The following ZFAND6 variants were observed in gnomAD, a reference collection of about 807,000 sequenced individuals.
ZFAND6 encodes zinc finger AN1-type containing 6.
ZFAND6 carries 12 observed loss-of-function variants against 24.5 expected under a neutral mutation model. The observed-to-expected ratio is 0.49, with a 90% CI of 0.31 to 0.79. ZFAND6 has a LOEUF of 0.79. Ranked by LOEUF, ZFAND6 falls within the 30% of genes least tolerant of loss-of-function variation. ZFAND6 has a pLI of 0.04. For missense variants in ZFAND6, 207 were observed against 245.9 expected, an observed-to-expected ratio of 0.84 and a Z score of 1.06; for synonymous variants, 92 against 81.5, an observed-to-expected ratio of 1.13 and a Z score of -0.69.
chr15:80,086,957 C>T (rs2038042550), intron 1 of ZFAND6, among the ~76,000 whole-genome samples: 1 of 152,180 alleles, frequency 6.6e-6, no homozygotes, highest in South Asian at 2.1e-4. Context: ...AGCATAATGT[C>T]TTCAGGGTTC....
intron 5 of ZFAND6, among the ~76,000 whole-genome samples, chr15:80,128,172 G>C (rs1283233189): frequency 6.6e-6 from 1 of 152,236 alleles, no homozygotes; most frequent in African/African-American, 2.4e-5. Context: ...GAAACCGTGG[G>C]AAGTGGGGAG....
rs1279876989 is a variant in ZFAND6, at chr15:80,133,356, CTAATTTTTGTAT to C, written c.478+2065_478+2076del. Among the ~76,000 whole-genome samples the C allele has an allele frequency of 3.9e-5, 6 of 152,110 alleles. No homozygotes were observed. In the East Asian group the frequency reaches 1.2e-3, roughly 29 times the overall value. ...TACAGGTGTGTGCCACCATGCCCGG[CTAATTTTTGTAT>C]TTCTTTAGTAGAGATGGGGTTTCAC... is the stretch of plus-strand genomic sequence containing the variant. On this transcript the variant is annotated intron_variant, in intron 6 of 6. Transcript: ENST00000261749.
chr15:80,118,226 G>A (rs935009333), intron 2 of ZFAND6, among the ~76,000 whole-genome samples: 22 of 152,016 alleles, frequency 1.4e-4, no homozygotes, highest in Non-Finnish European at 2.5e-4. Flanking sequence ...AGGTTCAAGC[G>A]ATCCTCCTGC....
chr15:80,127,857 T>G (rs1324915902), intron 5 of ZFAND6, among the ~76,000 whole-genome samples: 5 of 152,176 alleles, frequency 3.3e-5, no homozygotes, highest in Admixed American at 3.3e-4. Flanking sequence ...CCAGGAGAAT[T>G]GAAAACATAC....
intron 1 of ZFAND6, among the ~76,000 whole-genome samples, chr15:80,063,959 A>T (rs1377415730): frequency 6.6e-6 from 1 of 152,228 alleles, no homozygotes; most frequent in Non-Finnish European, 1.5e-5. Flanking sequence ...AAGTGCTGGG[A>T]TTACAGGCGT....
intron 1 of ZFAND6, among the ~76,000 whole-genome samples, chr15:80,080,170 G>C (rs1444451478): frequency 6.6e-6 from 1 of 151,502 alleles, no homozygotes; most frequent in African/African-American, 2.4e-5. Flanking sequence ...GCTAATTTTT[G>C]TATTTTAGTA....
At chr15:80,095,111 A>G (rs1305006432) in intron 1 of ZFAND6, among the ~76,000 whole-genome samples, 2 of 152,132 alleles carry the variant, frequency 1.3e-5, no homozygotes, top group African/African-American at 2.4e-5. Flanking sequence ...TCCAACCCAT[A>G]ATCATTCATT....
chr15:80,088,302 T>A (rs555520078), intron 1 of ZFAND6, among the ~76,000 whole-genome samples: 1 of 152,108 alleles, frequency 6.6e-6, no homozygotes, highest in African/African-American at 2.4e-5. Flanking sequence ...CACAGTGTGG[T>A]TCATGCCTGT....
At chr15:80,083,613 A>G (rs1377741911) in intron 1 of ZFAND6, among the ~76,000 whole-genome samples, 1 of 152,204 alleles carries the variant, frequency 6.6e-6, no homozygotes, top group African/African-American at 2.4e-5. Flanking sequence ...GGAGATGATT[A>G]AGCATGGAAG....
At chr15:80,120,603 C>A in intron 3 of ZFAND6, 105 bp downstream of exon 3, 2 of 973,082 alleles carry the variant, frequency 2.1e-6, no homozygotes, top group Non-Finnish European at 2.7e-6. Context: ...TTTATATTAC[C>A]ATATTCATAT....
intron 1 of ZFAND6, among the ~76,000 whole-genome samples, chr15:80,079,259 C>T (rs1292839516): frequency 1.3e-5 from 2 of 151,980 alleles, no homozygotes; most frequent in Admixed American, 6.6e-5. Flanking sequence ...CTCGCTCTGT[C>T]GCCCAGGCTG....
Position 80,138,338 on chromosome 15 carries a change from T to C in ZFAND6, c.*710T>C, listed in dbSNP as rs959411582. The C allele has an allele frequency of 6.5e-6, 1 of 152,682 alleles. No homozygotes were observed. Among genetic ancestry groups the C allele is most frequent in the South Asian group, 2.1e-4 (1 of 4,836 alleles). 9.5% of individuals were successfully genotyped at this position (152,682 alleles called of 1,614,324 possible). On this transcript the variant is annotated 3_prime_UTR_variant, in exon 7 of 7. Coordinates refer to ENST00000261749, the MANE Select transcript of ZFAND6 (RefSeq NM_019006.4). ...ATCTGAAGTAATTGTGCTGTATTTATGTTTATTCACCAGTCTTTGATTAAA... is the reference window on the plus strand; with the variant it reads ...ATCTGAAGTAATTGTGCTGTATTTACGTTTATTCACCAGTCTTTGATTAAA...
Position 80,133,199 on chromosome 15 carries a change from G to T in ZFAND6, c.478+1906G>T, listed in dbSNP as rs1308653601. On this transcript the variant is annotated intron_variant, in intron 6 of 6. Transcript: ENST00000261749. ...GTTTTTTTTTGTTTGTTTGTTTTTT[G>T]TTTTTTTTTTTGAAATGGAGTCTTG... 6.9e-5 allele frequency among the ~76,000 whole-genome samples: 10 copies of T among 145,586 alleles called. 1 individual carries two copies. Among genetic ancestry groups the T allele is most frequent in the Admixed American group, 2.1e-4 (3 of 14,604 alleles).
intron 2 of ZFAND6, among the ~76,000 whole-genome samples, chr15:80,114,414 C>T (rs1196941449): frequency 6.6e-6 from 1 of 152,156 alleles, no homozygotes; most frequent in East Asian, 1.9e-4. Flanking sequence ...GAGTACTCCT[C>T]TCTGGGACAA....
chr15:80,093,494 G>A (rs1028196844), intron 1 of ZFAND6, among the ~76,000 whole-genome samples: 4 of 151,896 alleles, frequency 2.6e-5, no homozygotes, highest in African/African-American at 9.7e-5. Context: ...TTGGGAGGCC[G>A]AGACGGGCGG....
intron 6 of ZFAND6, among the ~76,000 whole-genome samples, chr15:80,133,470 T>C (rs1436709843): frequency 6.6e-6 from 1 of 152,008 alleles, no homozygotes; most frequent in Non-Finnish European, 1.5e-5. Context: ...GCTGGGATTA[T>C]AGAGTGGAAC....
chr15:80,105,373 CT>C (rs1462380763), intron 2 of ZFAND6, among the ~76,000 whole-genome samples: 2 of 152,084 alleles, frequency 1.3e-5, no homozygotes, highest in Non-Finnish European at 2.9e-5. Context: ...GCAAGGAGAA[CT>C]TTTATGAACC....
chr15:80,121,943 C>T (rs1596306489), intron 4 of ZFAND6, 123 bp downstream of exon 4: 3 of 822,510 alleles, frequency 3.6e-6, no homozygotes, highest in South Asian at 2.0e-5. Context: ...AAAATTTTAT[C>T]GTCTGATTAT....
intron 2 of ZFAND6, among the ~76,000 whole-genome samples, chr15:80,105,572 C>T (rs1480727670): frequency 6.6e-6 from 1 of 152,166 alleles, no homozygotes; most frequent in East Asian, 1.9e-4. Context: ...CAATCACCGT[C>T]CCAGTTGACC....
Sources: gnomAD v4.1 joint callset for allele counts (sites outside exome capture counted in the v4.1 genomes callset) on GRCh38, gnomAD v4.1.1 for gene constraint, MANE v1.5 for transcripts, NCBI Gene and HGNC (gene_info 2026-07-23, HGNC 2026-07-21) for gene names.